COBLL1: variants seen among roughly 807,000 people sequenced by gnomAD.
The protein encoded by COBLL1 is cordon-bleu WH2 repeat protein like 1.
COBLL1 carries 50 observed loss-of-function variants against 94.8 expected under a neutral mutation model. The ratio of observed to expected loss-of-function variants is 0.53; its 90% CI spans 0.42 to 0.67. COBLL1 has a LOEUF of 0.67. COBLL1 is among the 30% of genes least tolerant of loss of function. The probability of loss-of-function intolerance (pLI) is 0.00; values close to 1 mark genes in which losing one functional copy is unlikely to be tolerated. For synonymous variants in COBLL1, 448 were observed against 473.8 expected (o/e 0.95, Z 0.71); for missense variants, 1,362 against 1,348.7 (o/e 1.01, Z -0.15).
At chr2:164,674,703 A>G (rs993842806) in intron 1 of COBLL1, among the ~76,000 whole-genome samples, 2 of 152,204 alleles carry the variant, frequency 1.3e-5, no homozygotes, top group African/African-American at 4.8e-5. Flanking sequence ...TCATGGGAAA[A>G]ATTGGGTAAA....
At chr2:164,708,108 CAG>C (rs1491573692) in intron 7 of COBLL1, among the ~76,000 whole-genome samples, 2 of 152,118 alleles carry the variant, frequency 1.3e-5, no homozygotes, top group African/African-American at 2.4e-5. Flanking sequence ...TGCCTCATAA[CAG>C]GGGGGTGCGA....
intron 2 of COBLL1, among the ~76,000 whole-genome samples, chr2:164,806,496 A>G (rs932657844): frequency 3.3e-5 from 5 of 152,270 alleles, no homozygotes; most frequent in Admixed American, 3.3e-4. Flanking sequence ...TGTACTCACT[A>G]TGTAAAATAA....
At chr2:164,831,150 C>G (rs942051124) in intron 2 of COBLL1, among the ~76,000 whole-genome samples, 1 of 151,874 alleles carries the variant, frequency 6.6e-6, no homozygotes, top group Non-Finnish European at 1.5e-5. Flanking sequence ...TGTGAAACAC[C>G]ATCTCTACTA....
intron 2 of COBLL1, among the ~76,000 whole-genome samples, chr2:164,840,155 C>G (rs1458176033): frequency 6.6e-6 from 1 of 152,186 alleles, no homozygotes; most frequent in Non-Finnish European, 1.5e-5. Context: ...GAAAACTGTA[C>G]AAGTCTCATT....
chr2:164,797,294 A>AT (rs1683514235), intron 2 of COBLL1, among the ~76,000 whole-genome samples: 1 of 152,046 alleles, frequency 6.6e-6, no homozygotes, highest in Admixed American at 6.5e-5. Context: ...TCATCATGTG[A>AT]TTTTTTTCAG....
Position 164,695,457 on chromosome 2 carries a change from T to C in COBLL1, c.1935A>G (p.Leu645=). 1 of 1,613,946 alleles carries C rather than the reference T, an allele frequency of 6.2e-7. No individual in the cohort carries two copies. The stretch of plus-strand genomic sequence containing the variant: ...AGGTATTTACAGAATCTTGTGAACT[T>C]AAGCATGAGTGTTGAGTTGATATGT... ...NNNISTQHSC[L]SSQDSVNTSR... Residue 645 remains leucine, a synonymous_variant, in exon 12 of 14, where the codon TTA becomes TTG. Coordinates refer to ENST00000652658, the MANE Select transcript of COBLL1 (RefSeq NM_001365672.2).
Position 164,703,596 on chromosome 2 carries a change from T to C in COBLL1, c.1225+848A>G, listed in dbSNP as rs1385560997. On this transcript the variant is annotated intron_variant, in intron 9 of 13. Transcript: ENST00000652658. The stretch of plus-strand genomic sequence containing the variant: ...CACAGAGGAGTGAAGAATTCTTACA[T>C]ATATATGCTAAAATTCCAAATTCTT... 1.6e-5 allele frequency: 7 copies of C among 427,238 alleles called. No individual in the cohort carries two copies. The East Asian group carries it at 5.0e-4, about 30-fold the overall frequency. 26.5% of individuals were successfully genotyped at this position (427,238 alleles called of 1,614,324 possible).
intron 9 of COBLL1, among the ~76,000 whole-genome samples, chr2:164,702,530 C>A (rs971224575): frequency 7.4e-6 from 1 of 135,148 alleles, no homozygotes; most frequent in African/African-American, 2.9e-5. Flanking sequence ...CGCCACTGCA[C>A]TCCAGCCTGG....
At chr2:164,750,972 T>C (rs1037581599) in intron 2 of COBLL1, among the ~76,000 whole-genome samples, 1 of 152,174 alleles carries the variant, frequency 6.6e-6, no homozygotes, top group Non-Finnish European at 1.5e-5. Flanking sequence ...CAATGCCCCA[T>C]GTAATTCACA....
chr2:164,728,971 T>C (rs1685850428), intron 4 of COBLL1, among the ~76,000 whole-genome samples: 1 of 152,014 alleles, frequency 6.6e-6, no homozygotes, highest in Admixed American at 6.6e-5. Context: ...AAGACCTTTA[T>C]TCACAAAACT....
chr2:164,784,739 T>C (rs1053716842), intron 2 of COBLL1, among the ~76,000 whole-genome samples: 1 of 152,126 alleles, frequency 6.6e-6, no homozygotes, highest in Non-Finnish European at 1.5e-5. Context: ...ATTTATCTGT[T>C]TCCCTTTACA....
chr2:164,670,118 A>G (rs1691222070), intron 1 of COBLL1, among the ~76,000 whole-genome samples: 1 of 152,200 alleles, frequency 6.6e-6, no homozygotes, highest in Admixed American at 6.5e-5. Flanking sequence ...AGTGTTTTAT[A>G]TGCATTTTCT....
chr2:164,778,939 T>C (rs1366374733), intron 2 of COBLL1, among the ~76,000 whole-genome samples: 4 of 152,102 alleles, frequency 2.6e-5, no homozygotes, highest in African/African-American at 9.7e-5. Context: ...TGTATGACTA[T>C]GATAATTCAG....
chr2:164,729,913 C>T lies in COBLL1; in HGVS notation c.432+1G>A. The T allele has an allele frequency of 6.2e-7, 1 of 1,607,512 alleles. No homozygotes were observed. Among genetic ancestry groups the T allele is most frequent in the Non-Finnish European group, 8.5e-7 (1 of 1,174,864 alleles). Reference sequence around the variant, plus strand: ...ATCAAAATATATAATGGAATTCTTACCTCTGGTATTATAGGTGTAGGTTTT... The same window carrying T: ...ATCAAAATATATAATGGAATTCTTATCTCTGGTATTATAGGTGTAGGTTTT... On this transcript the variant is annotated splice_donor_variant, in intron 4 of 13. Coordinates refer to ENST00000652658, the MANE Select transcript of COBLL1 (RefSeq NM_001365672.2). LOFTEE classifies it high-confidence loss of function.
rs56878856 is a variant in COBLL1 at position 164,818,715 on chromosome 2, G to GTA, written c.41+22439_41+22440dup. Among the ~76,000 whole-genome samples the GTA allele has an allele frequency of 3.1e-4, 45 of 146,620 alleles. 1 individual carries two copies. The South Asian group carries it at 5.3e-3, about 17-fold the overall frequency. Reference sequence around the variant, plus strand: ...ATATGTACTTATGTAAACATATATAGTATATATATATGTACTTATGTAAAC... The same window carrying GTA: ...ATATGTACTTATGTAAACATATATAGTATATATATATATGTACTTATGTAAAC... On this transcript the variant is annotated intron_variant, in intron 2 of 13. Coordinates refer to ENST00000652658, the MANE Select transcript of COBLL1 (RefSeq NM_001365672.2).
chr2:164,695,117 G>A lies in COBLL1; in HGVS notation c.2275C>T (p.Gln759Ter). ...TTTTTCCCTAAAGCATGCATGTCCT[G>A]ATCATCTTTATACTCTATGGTTTCT... ...QSETIEYKDD[Q>*]DMHALGKKHT... The change falls in exon 12 of 14, where the codon CAG becomes TAG. Residue 759 changes from glutamine to a stop codon, truncating the protein, a stop_gained. Transcript: ENST00000652658. LOFTEE classifies it high-confidence loss of function. 1 of 1,613,842 alleles carries A rather than the reference G, an allele frequency of 6.2e-7. No homozygotes were observed. Among genetic ancestry groups the A allele is most frequent in the Non-Finnish European group, 8.5e-7 (1 of 1,179,928 alleles).
chr2:164,840,399 C>T (rs891660835), intron 2 of COBLL1, among the ~76,000 whole-genome samples: 16 of 152,062 alleles, frequency 1.1e-4, no homozygotes, highest in African/African-American at 3.6e-4. Context: ...TTCAGGTTTT[C>T]TTCATCTCTT....
intron 2 of COBLL1, among the ~76,000 whole-genome samples, chr2:164,831,368 T>C (rs1328773238): frequency 1.3e-5 from 2 of 151,376 alleles, no homozygotes; most frequent in Non-Finnish European, 2.9e-5. Context: ...TTTAAAATTT[T>C]ATTAAATTTT....
chr2:164,812,449 T>C (rs1684504644), intron 2 of COBLL1, among the ~76,000 whole-genome samples: 1 of 152,086 alleles, frequency 6.6e-6, no homozygotes, highest in Non-Finnish European at 1.5e-5. Flanking sequence ...GTTTATATTC[T>C]AGAAACATTA....
Sources: allele counts gnomAD v4.1 joint callset (sites outside exome capture counted in the v4.1 genomes callset), GRCh38; gene constraint gnomAD v4.1.1; transcripts MANE v1.5; gene names NCBI Gene and HGNC (gene_info 2026-07-23, HGNC 2026-07-21).